The following TRIM69 variants were observed in gnomAD, a reference collection of about 807,000 sequenced individuals.
TRIM69 encodes the protein tripartite motif containing 69.
In TRIM69, 29 loss-of-function variants were observed where a neutral mutation model predicts 37.7. That is an observed-to-expected ratio of 0.77 (90% CI 0.57 to 1.05). TRIM69 has a LOEUF of 1.05. Ranked by LOEUF, TRIM69 falls within the 50% of genes least tolerant of loss-of-function variation. The pLI is 0.00. For missense variants in TRIM69, 596 were observed against 579.9 expected, an observed-to-expected ratio of 1.03 and a Z score of -0.28; for synonymous variants, 209 against 212.4, an observed-to-expected ratio of 0.98 and a Z score of 0.14.
chr15:44,750,121 A>C (rs538919448), intron 1 of TRIM69, among the ~76,000 whole-genome samples: 1 of 152,202 alleles, frequency 6.6e-6, no homozygotes, highest in African/African-American at 2.4e-5. Flanking sequence ...ATTCTGGATA[A>C]TAGACCTTAT....
At chr15:44,741,997 G>T (rs142568137) in intron 1 of TRIM69, among the ~76,000 whole-genome samples, 3 of 152,014 alleles carry the variant, frequency 2.0e-5, no homozygotes, top group African/African-American at 7.2e-5. Flanking sequence ...TACCAAAGCC[G>T]GGCAGAGACA....
rs2087648103 is a variant in TRIM69, at chr15:44,756,401, A to G, written c.517A>G (p.Thr173Ala). 3.2e-6 allele frequency: 5 copies of G among 1,551,054 alleles called. No individual in the cohort carries two copies. The highest frequency in any genetic ancestry group is 4.4e-6 in the Non-Finnish European group (5 of 1,146,846). ...TGCCATCCAACAGGGTCAACTGGAGACAACTCTGAAGGAGCTTCAGACCCT... is the reference window on the plus strand; with the variant it reads ...TGCCATCCAACAGGGTCAACTGGAGGCAACTCTGAAGGAGCTTCAGACCCT... ...ELAIQQGQLE[T>A]TLKELQTLRN... The change falls in exon 3 of 7, where the codon ACA (threonine) becomes GCA (alanine). Residue 173 changes from threonine (T) to alanine (A), a missense_variant. Transcript: ENST00000329464.
Position 44,767,465 on chromosome 15 carries a change from T to A in TRIM69, c.1196T>A (p.Ile399Asn). The change falls in exon 7 of 7, where the codon ATC (isoleucine) becomes AAC (asparagine). Residue 399 changes from isoleucine to asparagine, a missense_variant. Transcript: ENST00000329464. ...KWTVGVVRES[I>N]IRKGSCPLTP... Reference sequence around the variant, plus strand: ...ACAGTTGGAGTTGTCAGAGAATCCATCATTCGGAAGGGCAGCTGTCCTCTA... The same window carrying A: ...ACAGTTGGAGTTGTCAGAGAATCCAACATTCGGAAGGGCAGCTGTCCTCTA... 3 of 1,614,188 alleles carry A rather than the reference T, an allele frequency of 1.9e-6. No homozygotes were observed. The highest frequency in any genetic ancestry group is 1.6e-4 in the Middle Eastern group (1 of 6,062).
intron 1 of TRIM69, among the ~76,000 whole-genome samples, chr15:44,747,126 C>A (rs74009416): frequency 6.6e-6 from 1 of 152,062 alleles, no homozygotes; most frequent in African/African-American, 2.4e-5. Flanking sequence ...TGGTACAGAA[C>A]AAAGAGAACA....
chr15:44,754,307 A>T (rs1331010702), intron 1 of TRIM69: 4 of 152,056 alleles, frequency 2.6e-5, no homozygotes, highest in Non-Finnish European at 5.9e-5. Context: ...TTGTATTTTT[A>T]GTAGAGATTT....
Position 44,753,866 on chromosome 15 carries a change from C to A in TRIM69, c.7-1034C>A, listed in dbSNP as rs117807623. ...AGTAGCAGGGATTACCAGTGCCTGC[C>A]GCCATGACCAGCTAATTTTTTGTAT... On this transcript the variant is annotated intron_variant, in intron 1 of 6. Transcript: ENST00000329464. 7.8e-3 allele frequency: 1,186 copies of A among 152,160 alleles called. 12 individuals are homozygous for A. Among genetic ancestry groups the A allele is most frequent in the Non-Finnish European group, 9.1e-3 (622 of 68,038 alleles). 9.4% of individuals were successfully genotyped at this position (152,160 alleles called of 1,614,324 possible).
chr15:44,754,796 T>C (rs1421386241), intron 1 of TRIM69, 104 bp from the exon 2 acceptor site: 1 of 822,404 alleles, frequency 1.2e-6, no homozygotes, highest in East Asian at 2.4e-5. Flanking sequence ...GCTTTTACTT[T>C]AGTTGTACCA....
At chr15:44,740,286 CAG>C (rs2087253615) in intron 1 of TRIM69, among the ~76,000 whole-genome samples, 1 of 152,196 alleles carries the variant, frequency 6.6e-6, no homozygotes, top group African/African-American at 2.4e-5. Context: ...GGGGAAAAAA[CAG>C]AGCAGGAAAA....
chr15:44,752,811 G>T (rs1223294460), intron 1 of TRIM69: 1 of 151,840 alleles, frequency 6.6e-6, no homozygotes, highest in Non-Finnish European at 1.5e-5. Context: ...TACCCAGGGG[G>T]TTATAATTAG....
rs869059418 is a variant in TRIM69, at chr15:44,750,715, C to CTTTTTTT, written c.7-4164_7-4158dup. Among the ~76,000 whole-genome samples, 95 of 102,838 alleles carry CTTTTTTT rather than the reference C, an allele frequency of 9.2e-4. 26 individuals are homozygous for CTTTTTTT. The highest frequency in any genetic ancestry group is 2.5e-3 in the African/African-American group (64 of 25,904). The allele number at this position is 102,838 out of a possible 152,430, so 67.5% of individuals were successfully genotyped here. A position where few individuals can be genotyped will look rare whatever the true frequency, so the allele number is the denominator to read the frequency against. On this transcript the variant is annotated intron_variant, in intron 1 of 6. Coordinates refer to ENST00000329464, the MANE Select transcript of TRIM69 (RefSeq NM_182985.5). ...TCGCATTTTTATTTCATTACTTTTT[C>CTTTTTTT]TTTTTTTTTTTTTTTTTTTTTTTTT...
At chr15:44,754,694 C>T (rs2087605390) in intron 1 of TRIM69, 2 of 555,606 alleles carry the variant, frequency 3.6e-6, no homozygotes, top group Non-Finnish European at 6.4e-6. Flanking sequence ...CTTCCTCTGC[C>T]TTGATTCTTT....
intron 1 of TRIM69, among the ~76,000 whole-genome samples, chr15:44,747,188 T>C (rs1248801573): frequency 1.3e-5 from 2 of 152,108 alleles, no homozygotes; most frequent in African/African-American, 4.8e-5. Flanking sequence ...ATTTGAGATA[T>C]GGGAAAGGTG....
intron 1 of TRIM69, 60 bp from the exon 2 acceptor site, chr15:44,754,840 C>G: frequency 7.8e-7 from 1 of 1,286,092 alleles, no homozygotes; most frequent in Middle Eastern, 1.9e-4. Context: ...CGCCATCATC[C>G]TGGAGTGTTA....
intron 2 of TRIM69, 79 bp from the exon 3 acceptor site, chr15:44,756,289 C>A (rs1596029661): frequency 3.1e-6 from 3 of 983,110 alleles, no homozygotes; most frequent in Non-Finnish European, 3.1e-6. Context: ...TTCTTGCACA[C>A]TGGGGCCTTG....
At chr15:44,750,739 T>TGAGACAGAGTCTCAC (rs2087504529) in intron 1 of TRIM69, among the ~76,000 whole-genome samples, 2 of 80,546 alleles carry the variant, frequency 2.5e-5, no homozygotes, top group Admixed American at 1.4e-4. Flanking sequence ...TTTTTTTTTT[T>TGAGACAGAGTCTCAC]TTTGAGACGG....
intron 1 of TRIM69, chr15:44,754,438 CCT>C: frequency 6.4e-6 from 1 of 155,892 alleles, no homozygotes; most frequent in Non-Finnish European, 1.4e-5. Context: ...CTGCGCCTGG[CCT>C]GAAATGTGTT....
In TRIM69 at chr15:44,756,418, T is replaced by C; in HGVS notation, c.534T>C (p.Leu178=). The part of the protein sequence containing the change: ...QGQLETTLKE[L]QTLRNMQKEA... ...AACTGGAGACAACTCTGAAGGAGCT[T>C]CAGACCCTGAGGAACATGCAGAAGG... Residue 178 remains leucine, a synonymous_variant, in exon 3 of 7, where the codon CTT becomes CTC. Transcript: ENST00000329464. The C allele has an allele frequency of 6.4e-7, 1 of 1,551,280 alleles. No homozygotes were observed. Among genetic ancestry groups the C allele is most frequent in the Non-Finnish European group, 8.7e-7 (1 of 1,146,892 alleles).
At chr15:44,752,135 GTTGT>G (rs567201952) in intron 1 of TRIM69, among the ~76,000 whole-genome samples, 1 of 152,070 alleles carries the variant, frequency 6.6e-6, no homozygotes, top group Admixed American at 6.6e-5. Context: ...TTAAGAGTGT[GTTGT>G]TTAATTTTCA....
intron 2 of TRIM69, among the ~76,000 whole-genome samples, chr15:44,756,006 T>C (rs2087637447): frequency 1.3e-5 from 2 of 152,210 alleles, no homozygotes; most frequent in East Asian, 1.9e-4. Flanking sequence ...TCCCTGTAGC[T>C]AGCTACTAAG....
Sources: gnomAD v4.1 joint callset for allele counts (sites outside exome capture counted in the v4.1 genomes callset) on GRCh38, gnomAD v4.1.1 for gene constraint, MANE v1.5 for transcripts, NCBI Gene and HGNC (gene_info 2026-07-23, HGNC 2026-07-21) for gene names.